SORCS2: variants seen among roughly 807,000 people sequenced by gnomAD.
SORCS2 encodes VPS10 domain-containing receptor SorCS2.
Under a neutral mutation model 141.6 loss-of-function variants are expected in SORCS2, and 100 were observed. That is an observed-to-expected ratio of 0.71 (90% CI 0.60 to 0.83). SORCS2 has a LOEUF of 0.83. SORCS2 is among the 40% of genes least tolerant of loss of function. The pLI, the probability that SORCS2 is intolerant of heterozygous loss-of-function variation, is 0.00. For synonymous variants in SORCS2, 789 were observed against 676.9 expected (o/e 1.17, Z -2.57); for missense variants, 1,646 against 1,560.2 (o/e 1.05, Z -0.93).
chr4:7,529,633 G>A (rs1037467418), intron 2 of SORCS2, among the ~76,000 whole-genome samples: 1 of 152,182 alleles, frequency 6.6e-6, no homozygotes, highest in African/African-American at 2.4e-5. Flanking sequence ...CTTGGAGATG[G>A]CTCAGCAGGG....
At chr4:7,591,226 G>C (rs186793611) in intron 3 of SORCS2, among the ~76,000 whole-genome samples, 1,816 of 152,100 alleles carry the variant, frequency 0.012, 22 homozygotes, top group Non-Finnish European at 0.016. Context: ...GCCTCCTCGC[G>C]CTCTCCCCTC....
intron 3 of SORCS2, among the ~76,000 whole-genome samples, chr4:7,592,475 G>T (rs767683425): frequency 1.3e-5 from 2 of 152,148 alleles, no homozygotes; most frequent in African/African-American, 4.8e-5. Flanking sequence ...CTGAACAACC[G>T]TCTTCCCCAG....
intron 2 of SORCS2, among the ~76,000 whole-genome samples, chr4:7,420,670 C>A (rs1302084492): frequency 6.6e-6 from 1 of 152,144 alleles, no homozygotes; most frequent in Non-Finnish European, 1.5e-5. Context: ...CCCATTGCCT[C>A]CCCTGAGCCC....
At position 7,417,672 on chromosome 4, in the gene SORCS2, CT is replaced by C. The variant is rs368098182; in HGVS notation, c.548+21318del. On this transcript the variant is annotated intron_variant, in intron 2 of 26. Coordinates refer to ENST00000507866, the MANE Select transcript of SORCS2 (RefSeq NM_020777.3). Reference sequence around the variant, plus strand: ...CTTCCCGGAACGTGGCCCTTGGCCCCTATCACTTCCCCTGACCCTGCTGGGC... The same window carrying C: ...CTTCCCGGAACGTGGCCCTTGGCCCCATCACTTCCCCTGACCCTGCTGGGC... 3.8e-3 allele frequency among the ~76,000 whole-genome samples: 583 copies of C among 152,126 alleles called. 4 individuals carry two copies. The highest frequency in any genetic ancestry group is 0.013 in the African/African-American group (527 of 41,370).
chr4:7,360,571 C>CTT lies in SORCS2; in HGVS notation c.481-35693_481-35692dup, dbSNP rs753548897. Among the ~76,000 whole-genome samples, 79 of 49,274 alleles carry CTT rather than the reference C, an allele frequency of 1.6e-3. 15 individuals carry two copies. The highest frequency in any genetic ancestry group is 7.0e-3 in the African/African-American group (72 of 10,236). 32.3% of individuals were successfully genotyped at this position (49,274 alleles called of 152,430 possible). ...TCCCTAAATACCCTCCCAGTCCCTT[C>CTT]TTTTTTTTTTTTTTTTTTTTTTTTT... On this transcript the variant is annotated intron_variant, in intron 1 of 26. Coordinates refer to ENST00000507866, the MANE Select transcript of SORCS2 (RefSeq NM_020777.3).
At chr4:7,730,998 C>G (rs913682876) in intron 23 of SORCS2, among the ~76,000 whole-genome samples, 4 of 152,350 alleles carry the variant, frequency 2.6e-5, no homozygotes, top group African/African-American at 7.2e-5. Context: ...GTGCACACTC[C>G]AGCATGCCCA....
At chr4:7,231,708 G>A (rs1711901657) in intron 1 of SORCS2, among the ~76,000 whole-genome samples, 1 of 152,240 alleles carries the variant, frequency 6.6e-6, no homozygotes, top group Non-Finnish European at 1.5e-5. Flanking sequence ...GGACACAGAG[G>A]AGAGGGTCGT....
chr4:7,351,369 G>A (rs924025718), intron 1 of SORCS2, among the ~76,000 whole-genome samples: 1 of 152,106 alleles, frequency 6.6e-6, no homozygotes, highest in Admixed American at 6.5e-5. Context: ...CATCCCCGTG[G>A]CTGGCACTTG....
intron 2 of SORCS2, among the ~76,000 whole-genome samples, chr4:7,429,623 G>A (rs902215176): frequency 7.2e-5 from 11 of 152,226 alleles, no homozygotes; most frequent in African/African-American, 1.2e-4. Flanking sequence ...GCATGCACCC[G>A]GCGGGCCCCT....
chr4:7,437,915 A>G (rs1179257419), intron 2 of SORCS2, among the ~76,000 whole-genome samples: 5 of 152,124 alleles, frequency 3.3e-5, no homozygotes, highest in African/African-American at 4.8e-5. Context: ...ACACATGTAT[A>G]TATTTGCACG....
In SORCS2 at chr4:7,192,605, C is replaced by A; in HGVS notation, c.-42C>A. On this transcript the variant is annotated 5_prime_UTR_variant, in exon 1 of 27. Coordinates refer to ENST00000507866, the MANE Select transcript of SORCS2 (RefSeq NM_020777.3). This position sits in a 1 kb window ranked among gnomAD's most constrained non-coding sequence, Gnocchi z 4.0. ...CTCTCCCGGCCGCGGTCCCCTCGTC[C>A]GCGCCGCCCCGCCGCCGGCTCCGCT... 1 of 987,256 alleles carries A rather than the reference C, an allele frequency of 1.0e-6. No individual in the cohort carries two copies. Among genetic ancestry groups the A allele is most frequent in the South Asian group, 4.5e-5 (1 of 22,112 alleles). The allele number at this position is 987,256 out of a possible 1,614,324, so 61.2% of individuals were successfully genotyped here.
At chr4:7,230,079 A>G (rs1206370644) in intron 1 of SORCS2, among the ~76,000 whole-genome samples, 1 of 126,842 alleles carries the variant, frequency 7.9e-6, no homozygotes, top group African/African-American at 3.1e-5. Context: ...GAGCAGTGTC[A>G]TGTGCTCATG....
At chr4:7,720,122 C>G (rs903407797) in intron 18 of SORCS2, among the ~76,000 whole-genome samples, 4 of 152,146 alleles carry the variant, frequency 2.6e-5, no homozygotes, top group Non-Finnish European at 1.5e-5. Flanking sequence ...TGTACACACT[C>G]ACACACTGTC....
At chr4:7,199,815 T>C (rs1342808022) in intron 1 of SORCS2, among the ~76,000 whole-genome samples, 1 of 152,120 alleles carries the variant, frequency 6.6e-6, no homozygotes, top group Non-Finnish European at 1.5e-5. Context: ...GGTCTGTTCC[T>C]GTTGCCTCTG....
In SORCS2 at chr4:7,396,475, C is replaced by T. The variant is rs1000367956; in HGVS notation, c.548+120C>T. On this transcript the variant is annotated intron_variant, in intron 2 of 26. Transcript: ENST00000507866. ...GGCAGCCCCTGTGAGTCAGTGGCCT[C>T]GCAACTTTTCTTTGGCTAGAAAATG... is the stretch of plus-strand genomic sequence containing the variant. The T allele has an allele frequency of 3.9e-5, 37 of 942,868 alleles. No homozygotes were observed. In the African/African-American group the frequency reaches 4.3e-4, roughly 11 times the overall value. 58.4% of individuals were successfully genotyped at this position (942,868 alleles called of 1,614,324 possible).
Position 7,233,636 on chromosome 4 carries a change from C to T in SORCS2, c.480+40510C>T, listed in dbSNP as rs1248690629. On this transcript the variant is annotated intron_variant, in intron 1 of 26. Transcript: ENST00000507866. This position sits in a 1 kb window ranked among gnomAD's most constrained non-coding sequence, Gnocchi z 4.5. Reference sequence around the variant, plus strand: ...GGAGTGCAGCGCTTCTCAGGTGGGACGTTCTAAGGTCCCCAGGTAATACTG... The same window carrying T: ...GGAGTGCAGCGCTTCTCAGGTGGGATGTTCTAAGGTCCCCAGGTAATACTG... 6.6e-6 allele frequency among the ~76,000 whole-genome samples: 1 copy of T among 152,238 alleles called. No homozygotes were observed. Among genetic ancestry groups the T allele is most frequent in the African/African-American group, 2.4e-5 (1 of 41,534 alleles).
intron 1 of SORCS2, among the ~76,000 whole-genome samples, chr4:7,393,095 C>T (rs978294312): frequency 5.9e-5 from 9 of 152,138 alleles, no homozygotes; most frequent in African/African-American, 1.4e-4. Context: ...TGGGGTGATG[C>T]GTGCATCCTG....
chr4:7,623,536 C>T lies in SORCS2; in HGVS notation c.649-14792C>T, dbSNP rs1485496836. Among the ~76,000 whole-genome samples, 4 of 152,236 alleles carry T rather than the reference C, an allele frequency of 2.6e-5. No homozygotes were observed. The East Asian group carries it at 7.7e-4, about 29-fold the overall frequency. On this transcript the variant is annotated intron_variant, in intron 3 of 26. Coordinates refer to ENST00000507866, the MANE Select transcript of SORCS2 (RefSeq NM_020777.3). ...TTTCCCCCAATGCCCAAGGTAGGAGCCGGGGGCCTTCCAAACTCCCTGTTG... is the reference window on the plus strand; with the variant it reads ...TTTCCCCCAATGCCCAAGGTAGGAGTCGGGGGCCTTCCAAACTCCCTGTTG...
intron 3 of SORCS2, among the ~76,000 whole-genome samples, chr4:7,562,912 T>C (rs1221403647): frequency 6.6e-6 from 1 of 152,232 alleles, no homozygotes; most frequent in Non-Finnish European, 1.5e-5. Context: ...TCTAGCCTAT[T>C]CCAGGATGAC....
Sources: gnomAD v4.1 joint callset for allele counts (sites outside exome capture counted in the v4.1 genomes callset) on GRCh38, gnomAD v4.1.1 for gene constraint, Gnocchi (gnomAD v3.1) non-coding constraint, MANE v1.5 for transcripts, NCBI Gene and HGNC (gene_info 2026-07-23, HGNC 2026-07-21) for gene names.